Variants in DROSHA observed in about 807,000 individuals in gnomAD.
DROSHA encodes ribonuclease 3.
DROSHA carries 56 observed loss-of-function variants against 181.9 expected under a neutral mutation model. The ratio of observed to expected loss-of-function variants is 0.31; its 90% CI spans 0.25 to 0.38. DROSHA has a LOEUF of 0.38. DROSHA is among the 10% of genes least tolerant of loss of function. The probability of loss-of-function intolerance (pLI) is 1.00; values close to 1 mark genes in which losing one functional copy is unlikely to be tolerated. For synonymous variants in DROSHA, 524 were observed against 591.2 expected (o/e 0.89, Z 1.65); for missense variants, 1,218 against 1,743.5 (o/e 0.70, Z 5.37).
rs764156937 is a variant in DROSHA at position 31,431,675 on chromosome 5, G to A, written c.3046C>T (p.Leu1016Phe). 11 of 1,613,592 alleles carry A rather than the reference G, an allele frequency of 6.8e-6. No individual in the cohort carries two copies. ...NQHLAMLAKK[L>F]ELDRFMLYAH... is the part of the protein sequence containing the mutation. ...TACAGCATAAATCGATCCAGTTCAA[G>A]TTTCTACAAAATTCACAATGACAAA... The change falls in exon 26 of 36, where the codon CTT becomes TTT. Residue 1016 changes from leucine to phenylalanine, a missense_variant. By Grantham distance (22) the Leu-to-Phe change is conservative. Coordinates refer to ENST00000344624, the MANE Select transcript of DROSHA (RefSeq NM_001382508.1).
At chr5:31,463,147 T>C (rs975472062) in intron 20 of DROSHA, among the ~76,000 whole-genome samples, 1 of 152,200 alleles carries the variant, frequency 6.6e-6, no homozygotes. Context: ...CTGAAAGTAC[T>C]GACAGTCATA....
intron 27 of DROSHA, among the ~76,000 whole-genome samples, chr5:31,428,686 C>T (rs1743782264): frequency 6.6e-6 from 1 of 152,202 alleles, no homozygotes; most frequent in African/African-American, 2.4e-5. Flanking sequence ...TAACGTCTGA[C>T]AGCCATTTAA....
intron 16 of DROSHA, among the ~76,000 whole-genome samples, chr5:31,479,689 T>C (rs888981265): frequency 9.2e-5 from 14 of 152,142 alleles, no homozygotes; most frequent in Non-Finnish European, 1.6e-4. Context: ...ATTAGATATA[T>C]ATATATTCAT....
At chr5:31,488,734 C>T (rs142787231) in intron 13 of DROSHA, among the ~76,000 whole-genome samples, 4 of 152,222 alleles carry the variant, frequency 2.6e-5, no homozygotes, top group African/African-American at 7.2e-5. Context: ...ACTGTGGAAA[C>T]AGTGTGGGAA....
chr5:31,471,230 G>A (rs1299744435), intron 17 of DROSHA, among the ~76,000 whole-genome samples: 1 of 152,128 alleles, frequency 6.6e-6, no homozygotes, highest in East Asian at 1.9e-4. Flanking sequence ...ATGAATCAAA[G>A]CTATTAAGCA....
rs1740540163 is a variant in DROSHA at position 31,526,218 on chromosome 5, C to T, written c.715G>A (p.Gly239Arg). The change falls in exon 5 of 36, where the codon GGG becomes AGG. Residue 239 changes from glycine to arginine, a missense_variant. Around this residue, in one of 8 missense-constraint regions of DROSHA, gnomAD observed 536 missense variants for 535.4 expected, o/e 1.00. Coordinates refer to ENST00000344624, the MANE Select transcript of DROSHA (RefSeq NM_001382508.1). ...AGGGACCGATGCCTCTCACCTCGCC[C>T]ATGACTGTGATCTCGGTGCCTGTGG... ...DDHRHRDHSH[G>R]RGERHRSLDR... is the part of the protein sequence containing the mutation. The T allele has an allele frequency of 6.2e-7, 1 of 1,613,908 alleles. No individual in the cohort carries two copies. The highest frequency in any genetic ancestry group is 8.5e-7 in the Non-Finnish European group (1 of 1,179,864).
chr5:31,428,144 G>T (rs1337415227), intron 27 of DROSHA, among the ~76,000 whole-genome samples: 5 of 152,148 alleles, frequency 3.3e-5, no homozygotes. Context: ...TGGGAGAGAG[G>T]CAGTTTAAAG....
intron 23 of DROSHA, among the ~76,000 whole-genome samples, chr5:31,446,248 C>T (rs768357558): frequency 2.0e-5 from 3 of 151,524 alleles, no homozygotes; most frequent in Non-Finnish European, 2.9e-5. Flanking sequence ...ACATCAAGAC[C>T]ACCCTGGTTA....
At chr5:31,451,399 G>A (rs1747022904) in intron 21 of DROSHA, 134 bp downstream of exon 21, 3 of 719,734 alleles carry the variant, frequency 4.2e-6, no homozygotes, top group African/African-American at 1.8e-5. Context: ...CCAGGGTAGA[G>A]CAATGGAGAG....
At position 31,515,169 on chromosome 5, in the gene DROSHA, T is replaced by C; in HGVS notation, c.1109A>G (p.Asp370Gly). The change falls in exon 8 of 36, where the codon GAC becomes GGC. Residue 370 changes from aspartate to glycine, a missense_variant. Around this residue, in one of 8 missense-constraint regions of DROSHA, gnomAD observed 536 missense variants for 535.4 expected, o/e 1.00. Transcript: ENST00000344624. ...AGAACTCTGGTTGTCACTCCAACGGTCTTTTTCTTCCTCCCAACGAGCTCT... is the reference window on the plus strand; with the variant it reads ...AGAACTCTGGTTGTCACTCCAACGGCCTTTTTCTTCCTCCCAACGAGCTCT... The part of the protein sequence containing the change: ...KKRARWEEEK[D>G]RWSDNQSSGK... 1 of 1,613,906 alleles carries C rather than the reference T, an allele frequency of 6.2e-7. No individual in the cohort carries two copies. The highest frequency in any genetic ancestry group is 1.1e-5 in the South Asian group (1 of 91,066).
In DROSHA at chr5:31,511,113, A is replaced by G. The variant is rs773175907; in HGVS notation, c.1354T>C (p.Leu452=). 1.2e-5 allele frequency: 19 copies of G among 1,613,420 alleles called. No homozygotes were observed. The highest frequency in any genetic ancestry group is 2.2e-5 in the East Asian group (1 of 44,852). ...TTGGCCTTTTCTTGCCTGCTCCCCA[A>G]CTCCTCCTCAAATTTGTCATATAAG... is the stretch of plus-strand genomic sequence containing the variant. ...RDLYDKFEEE[L]GSRQEKAKAA... The change falls in exon 9 of 36, where the codon TTG becomes CTG. Residue 452 remains leucine, a synonymous_variant. Transcript: ENST00000344624.
intron 11 of DROSHA, among the ~76,000 whole-genome samples, chr5:31,499,547 C>T (rs1753350526): frequency 1.3e-5 from 2 of 151,236 alleles, no homozygotes; most frequent in South Asian, 4.2e-4. Flanking sequence ...AGCCAAACAC[C>T]CAGGTGTTTA....
intron 23 of DROSHA, among the ~76,000 whole-genome samples, chr5:31,440,395 T>C (rs894182652): frequency 6.6e-6 from 1 of 152,252 alleles, no homozygotes; most frequent in African/African-American, 2.4e-5. Context: ...TTTAAAATAT[T>C]TGTAAATTAT....
At chr5:31,419,799 A>G (rs965990097) in intron 30 of DROSHA, among the ~76,000 whole-genome samples, 2 of 152,212 alleles carry the variant, frequency 1.3e-5, no homozygotes, top group Admixed American at 1.3e-4. Flanking sequence ...AGATACTCTG[A>G]CACGTATGAA....
chr5:31,506,279 C>T (rs1737933533), intron 10 of DROSHA, among the ~76,000 whole-genome samples: 1 of 150,884 alleles, frequency 6.6e-6, no homozygotes, highest in African/African-American at 2.4e-5. Flanking sequence ...GGGAGAATTG[C>T]TTGAACCAGA....
chr5:31,466,853 T>C (rs988022463), intron 18 of DROSHA, among the ~76,000 whole-genome samples: 8 of 152,200 alleles, frequency 5.3e-5, no homozygotes, highest in African/African-American at 1.9e-4. Context: ...AATATAAGCA[T>C]ATTTGTTGCA....
intron 23 of DROSHA, among the ~76,000 whole-genome samples, chr5:31,437,887 C>T (rs980189698): frequency 5.9e-5 from 9 of 152,278 alleles, no homozygotes; most frequent in African/African-American, 2.2e-4. Flanking sequence ...AGGCCAAGCT[C>T]CCTGCCACCC....
Position 31,470,641 on chromosome 5 carries a change from G to A in DROSHA, c.2241+1422C>T, listed in dbSNP as rs1262950135. On this transcript the variant is annotated intron_variant, in intron 17 of 35. Transcript: ENST00000344624. This position sits in a 1 kb window ranked among gnomAD's most constrained non-coding sequence, Gnocchi z 4.0. ...GTTTGAGGATTTTTTTTTAACTACA[G>A]AAAACTGGGCCTCACTGCCTGGAGT... Among the ~76,000 whole-genome samples, 1 of 152,030 alleles carries A rather than the reference G, an allele frequency of 6.6e-6. No individual in the cohort carries two copies. The highest frequency in any genetic ancestry group is 2.4e-5 in the African/African-American group (1 of 41,398).
intron 34 of DROSHA, 138 bp from the exon 35 acceptor site, chr5:31,405,861 G>A (rs1740595746): frequency 1.4e-6 from 1 of 699,764 alleles, no homozygotes; most frequent in Non-Finnish European, 2.2e-6. Flanking sequence ...AATCTCCTCT[G>A]ATTACTTACA....
Sources: gnomAD v4.1 joint callset for allele counts (sites outside exome capture counted in the v4.1 genomes callset) on GRCh38, gnomAD v4.1.1 for gene constraint, gnomAD v4.1.1 regional missense constraint, Gnocchi (gnomAD v3.1) non-coding constraint, MANE v1.5 for transcripts, NCBI Gene and HGNC (gene_info 2026-07-23, HGNC 2026-07-21) for gene names.